Variants in SEZ6L observed in about 807,000 individuals in gnomAD.
The protein encoded by SEZ6L is seizure 6-like protein.
Under a neutral mutation model 106.2 loss-of-function variants are expected in SEZ6L, and 37 were observed. That is an observed-to-expected ratio of 0.35 (90% confidence interval 0.27 to 0.46). SEZ6L has a LOEUF of 0.46. Among genes scored for constraint, SEZ6L ranks in the 20% least tolerant of loss-of-function variants. The pLI is 1.00. For synonymous variants in SEZ6L, 541 were observed against 570.4 expected, an observed-to-expected ratio of 0.95 and a Z score of 0.73; for missense variants, 1,172 against 1,332.8, an observed-to-expected ratio of 0.88 and a Z score of 1.88.
At chr22:26,319,813 A>G (rs1460767054) in intron 9 of SEZ6L, among the ~76,000 whole-genome samples, 3 of 152,246 alleles carry the variant, frequency 2.0e-5, no homozygotes, top group African/African-American at 7.2e-5. Flanking sequence ...AGACCAGTGC[A>G]TGGCCCATAG....
chr22:26,291,452 G>A (rs1164078680), intron 1 of SEZ6L, among the ~76,000 whole-genome samples: 2 of 88,674 alleles, frequency 2.3e-5, no homozygotes, highest in East Asian at 3.9e-4. Flanking sequence ...GGGTGGAGTT[G>A]GGGGAGGGGA....
At chr22:26,246,650 T>A (rs111965091) in intron 1 of SEZ6L, among the ~76,000 whole-genome samples, 1 of 152,240 alleles carries the variant, frequency 6.6e-6, no homozygotes, top group Admixed American at 6.5e-5. Context: ...TGCAGTCGAT[T>A]AATCCCACAA....
At chr22:26,373,108 G>C (rs1176794023) in intron 13 of SEZ6L, among the ~76,000 whole-genome samples, 2 of 152,144 alleles carry the variant, frequency 1.3e-5, no homozygotes, top group African/African-American at 4.8e-5. Context: ...CTGTAAAATG[G>C]GGATGATAAT....
In SEZ6L at chr22:26,294,975, C is replaced by A. The variant is rs141369124; in HGVS notation, c.969+550C>A. Among the ~76,000 whole-genome samples the A allele has an allele frequency of 2.7e-3, 403 of 150,340 alleles. 6 individuals are homozygous for A. The highest frequency in any genetic ancestry group is 9.6e-3 in the African/African-American group (386 of 40,106). On this transcript the variant is annotated intron_variant, in intron 3 of 16. Transcript: ENST00000248933. ...TCTTTCTTTCTTGCTTGCTTGCTTG[C>A]TTTCCTTCATTTTCTGGTTATTAGG... is the stretch of plus-strand genomic sequence containing the variant.
At chr22:26,295,851 G>A (rs921066906) in intron 3 of SEZ6L, among the ~76,000 whole-genome samples, 2 of 152,202 alleles carry the variant, frequency 1.3e-5, no homozygotes, top group Admixed American at 6.5e-5. Flanking sequence ...GTGTTTTAGA[G>A]GTTGTTGTAG....
At chr22:26,323,412 C>A (rs560341404) in intron 9 of SEZ6L, among the ~76,000 whole-genome samples, 2 of 152,130 alleles carry the variant, frequency 1.3e-5, no homozygotes, top group African/African-American at 2.4e-5. Context: ...ATGGGAGGAT[C>A]GCTTGAGCCC....
At chr22:26,299,946 AT>A (rs1263736726) in intron 5 of SEZ6L, among the ~76,000 whole-genome samples, 1 of 152,224 alleles carries the variant, frequency 6.6e-6, no homozygotes, top group Non-Finnish European at 1.5e-5. Flanking sequence ...CCCCTCAGCA[AT>A]GTGACAGTAC....
chr22:26,219,888 A>T (rs1476373256), intron 1 of SEZ6L, among the ~76,000 whole-genome samples: 1 of 152,236 alleles, frequency 6.6e-6, no homozygotes, highest in African/African-American at 2.4e-5. Flanking sequence ...GCAACAAACC[A>T]CCATGGGACA....
At chr22:26,360,341 T>C (rs1238988990) in intron 12 of SEZ6L, among the ~76,000 whole-genome samples, 1 of 152,106 alleles carries the variant, frequency 6.6e-6, no homozygotes, top group Non-Finnish European at 1.5e-5. Flanking sequence ...GCGAGGACAG[T>C]GTTTAGCACA....
rs2145887683 is a variant in SEZ6L, at chr22:26,294,443, C to T, written c.969+18C>T. 1.9e-6 allele frequency: 3 copies of T among 1,610,050 alleles called. No individual in the cohort carries two copies. The highest frequency in any genetic ancestry group is 4.5e-5 in the East Asian group (2 of 44,804). On this transcript the variant is annotated intron_variant, in intron 3 of 16. Coordinates refer to ENST00000248933, the MANE Select transcript of SEZ6L (RefSeq NM_021115.5). ...AGCTCCAGGTAACCCCAGGAGAGTA[C>T]CTCACAGAGGCTGCCTCGTCTAGCA...
chr22:26,191,729 T>G (rs1940235010), intron 1 of SEZ6L, among the ~76,000 whole-genome samples: 1 of 152,220 alleles, frequency 6.6e-6, no homozygotes, highest in African/African-American at 2.4e-5. Flanking sequence ...ATCCTGCACA[T>G]GTATCCCTGA....
At chr22:26,241,643 C>A (rs931500484) in intron 1 of SEZ6L, among the ~76,000 whole-genome samples, 1 of 152,172 alleles carries the variant, frequency 6.6e-6, no homozygotes, top group Non-Finnish European at 1.5e-5. Flanking sequence ...ACTAATCTCA[C>A]TGCACCTGTT....
chr22:26,260,138 AT>A (rs201002019), intron 1 of SEZ6L, among the ~76,000 whole-genome samples: 67 of 151,004 alleles, frequency 4.4e-4, no homozygotes, highest in South Asian at 1.1e-3. Flanking sequence ...ACTTTTTAAA[AT>A]TTTTTTTTTA....
chr22:26,309,079 G>C (rs904809608), intron 6 of SEZ6L, among the ~76,000 whole-genome samples: 3 of 152,130 alleles, frequency 2.0e-5, no homozygotes, highest in Admixed American at 1.3e-4. Context: ...AGTGACATTA[G>C]AAATTCATCT....
intron 1 of SEZ6L, among the ~76,000 whole-genome samples, chr22:26,201,474 C>T (rs1200310104): frequency 6.7e-6 from 1 of 149,798 alleles, no homozygotes; most frequent in Non-Finnish European, 1.5e-5. Flanking sequence ...GGCAGGAGAA[C>T]GGCTTGAACC....
Position 26,263,361 on chromosome 22 carries a change from T to A in SEZ6L, c.95-29045T>A, listed in dbSNP as rs74873929. ...GTGCATGTGACGGCTAATGGAGATA[T>A]GCAAGTGCGCTTAGCACTGTGTCTG... On this transcript the variant is annotated intron_variant, in intron 1 of 16. Coordinates refer to ENST00000248933, the MANE Select transcript of SEZ6L (RefSeq NM_021115.5). 7.9e-5 allele frequency among the ~76,000 whole-genome samples: 12 copies of A among 152,338 alleles called. No homozygotes were observed. The East Asian group carries it at 2.3e-3, about 29-fold the overall frequency.
intron 1 of SEZ6L, among the ~76,000 whole-genome samples, chr22:26,177,492 A>G (rs1345125931): frequency 1.3e-5 from 2 of 152,230 alleles, no homozygotes; most frequent in Non-Finnish European, 2.9e-5. Flanking sequence ...TTCAAAGCAG[A>G]AACCTTCTGG....
At chr22:26,354,536 T>C (rs1368434284) in intron 12 of SEZ6L, among the ~76,000 whole-genome samples, 1 of 152,190 alleles carries the variant, frequency 6.6e-6, no homozygotes, top group Non-Finnish European at 1.5e-5. Context: ...AGGACGTCAG[T>C]GTCATTCCCA....
chr22:26,308,461 C>A (rs948612600), intron 6 of SEZ6L, among the ~76,000 whole-genome samples: 4 of 150,498 alleles, frequency 2.7e-5, no homozygotes, highest in Admixed American at 2.6e-4. Context: ...CTATAAAAGT[C>A]TTTTTAGTCG....
Sources: allele counts gnomAD v4.1 joint callset (sites outside exome capture counted in the v4.1 genomes callset), GRCh38; gene constraint gnomAD v4.1.1; transcripts MANE v1.5; gene names NCBI Gene and HGNC (gene_info 2026-07-23, HGNC 2026-07-21).